The following KCNK10 variants were observed in gnomAD, a reference collection of about 807,000 sequenced individuals.
KCNK10 encodes potassium two pore domain channel subfamily K member 10.
A neutral mutation model predicts 47.7 loss-of-function variants in KCNK10; 25 were observed. That is an observed-to-expected ratio of 0.52 (90% confidence interval 0.38 to 0.73). The LOEUF (loss-of-function observed/expected upper bound fraction) is 0.73. Among genes scored for constraint, KCNK10 ranks in the 30% least tolerant of loss-of-function variants. KCNK10 has a pLI of 0.00. For synonymous variants in KCNK10, 303 were observed against 285.6 expected, an observed-to-expected ratio of 1.06 and a Z score of -0.61; for missense variants, 563 against 714.5, an observed-to-expected ratio of 0.79 and a Z score of 2.42.
chr14:88,318,447 G>A (rs1888473285), intron 1 of KCNK10, among the ~76,000 whole-genome samples: 1 of 152,204 alleles, frequency 6.6e-6, no homozygotes, highest in Admixed American at 6.5e-5. Flanking sequence ...CATGACAAGT[G>A]CCAGTAAGAC....
rs541160673 is a variant in KCNK10, at chr14:88,281,444, G to A, written c.53-17893C>T. Among the ~76,000 whole-genome samples the A allele has an allele frequency of 3.9e-5, 6 of 152,302 alleles. No homozygotes were observed. In the South Asian group the frequency reaches 8.3e-4, roughly 21 times the overall value. ...AAAGCAGATTTCTCCCACGACATAG[G>A]TGGTCCACATCCTATCGGTTGGAGG... On this transcript the variant is annotated intron_variant, in intron 1 of 6. Coordinates refer to ENST00000319231, the MANE Select transcript of KCNK10 (RefSeq NM_138317.3).
intron 1 of KCNK10, among the ~76,000 whole-genome samples, chr14:88,309,053 G>A (rs1260511446): frequency 6.6e-6 from 1 of 152,124 alleles, no homozygotes; most frequent in Non-Finnish European, 1.5e-5. Flanking sequence ...GTTTCAGGAG[G>A]GCAGAGACTT....
intron 1 of KCNK10, among the ~76,000 whole-genome samples, chr14:88,276,985 C>G (rs2139768278): frequency 6.6e-6 from 1 of 152,336 alleles, no homozygotes; most frequent in African/African-American, 2.4e-5. Context: ...TTAAACAGCA[C>G]AGTCTGTGTG....
At chr14:88,255,787 G>A (rs1181943296) in intron 2 of KCNK10, among the ~76,000 whole-genome samples, 1 of 152,078 alleles carries the variant, frequency 6.6e-6, no homozygotes, top group Non-Finnish European at 1.5e-5. Context: ...TTGAGCCTAG[G>A]AGTTCCAGGC....
intron 4 of KCNK10, among the ~76,000 whole-genome samples, chr14:88,196,862 T>TC (rs1457423094): frequency 1.3e-5 from 2 of 152,230 alleles, no homozygotes; most frequent in Non-Finnish European, 2.9e-5. Context: ...CTTCCAAGAT[T>TC]TATTTTAGAA....
At chr14:88,309,915 G>T (rs4424855) in intron 1 of KCNK10, among the ~76,000 whole-genome samples, 28,003 of 151,642 alleles carry the variant, frequency 0.18, 2,727 homozygotes, top group East Asian at 0.25. Context: ...TGGCACTCCT[G>T]CCCTCCAGAG....
intron 2 of KCNK10, among the ~76,000 whole-genome samples, chr14:88,254,563 C>T (rs1312921695): frequency 1.3e-5 from 2 of 152,166 alleles, no homozygotes; most frequent in African/African-American, 2.4e-5. Context: ...ATTCATTCTA[C>T]GCTTCCCCGT....
chr14:88,231,851 G>T (rs1370402808), intron 3 of KCNK10, among the ~76,000 whole-genome samples: 1 of 152,188 alleles, frequency 6.6e-6, no homozygotes, highest in Non-Finnish European at 1.5e-5. Context: ...TCTTCAAAAA[G>T]AAGTGCTTTG....
intron 1 of KCNK10, among the ~76,000 whole-genome samples, chr14:88,319,220 A>G (rs1399102570): frequency 6.6e-6 from 1 of 152,186 alleles, no homozygotes; most frequent in Non-Finnish European, 1.5e-5. Context: ...GCTTTGCTTA[A>G]TCCACCCAAA....
chr14:88,198,323 C>CTGCTGATG (rs1884988584), intron 4 of KCNK10, among the ~76,000 whole-genome samples: 1 of 152,184 alleles, frequency 6.6e-6, no homozygotes, highest in African/African-American at 2.4e-5. Flanking sequence ...AATGGGACAC[C>CTGCTGATG]TGCTGATGAG....
intron 1 of KCNK10, among the ~76,000 whole-genome samples, chr14:88,315,997 T>C (rs34594869): frequency 0.2 from 29,774 of 151,992 alleles, 3,108 homozygotes; most frequent in East Asian, 0.28. Context: ...TAATCTTGTT[T>C]CCCCACCATT....
chr14:88,299,922 G>A (rs373107178), intron 1 of KCNK10, among the ~76,000 whole-genome samples: 5 of 152,250 alleles, frequency 3.3e-5, no homozygotes, highest in East Asian at 1.9e-4. Context: ...AGGAAAGGCC[G>A]ACGTTTAAGA....
intron 3 of KCNK10, among the ~76,000 whole-genome samples, chr14:88,235,947 G>A (rs1161126020): frequency 5.9e-5 from 9 of 152,132 alleles, no homozygotes; most frequent in East Asian, 1.9e-4. Context: ...GGAAAAAAAG[G>A]CTGGCATCAG....
At chr14:88,305,804 G>A (rs999442462) in intron 1 of KCNK10, among the ~76,000 whole-genome samples, 1 of 152,206 alleles carries the variant, frequency 6.6e-6, no homozygotes, top group Admixed American at 6.5e-5. Flanking sequence ...AATAAAAGGT[G>A]AAGTTTCTAA....
intron 3 of KCNK10, among the ~76,000 whole-genome samples, chr14:88,237,619 C>T (rs1453518803): frequency 6.6e-6 from 1 of 152,220 alleles, no homozygotes; most frequent in Non-Finnish European, 1.5e-5. Flanking sequence ...ATGAAAACAA[C>T]ATTTATCTCC....
intron 1 of KCNK10, chr14:88,270,693 C>T: frequency 1.3e-6 from 1 of 780,892 alleles, no homozygotes; most frequent in South Asian, 1.3e-5. Flanking sequence ...CATCTCACAT[C>T]TGTGCTTTCC....
In KCNK10 at chr14:88,263,446, C is replaced by T. The variant is rs148277278; in HGVS notation, c.158G>A (p.Arg53Gln). The T allele has an allele frequency of 4.3e-6, 7 of 1,614,090 alleles. No individual in the cohort carries two copies. The highest frequency in any genetic ancestry group is 1.6e-4 in the Middle Eastern group (1 of 6,062). ...TPTPRLSISS[R>Q]ATVVARMEGT... ...TTCCATCCTGGCTACCACTGTGGCT[C>T]GGGAGGAAATGGACAGGCGCGGAGT... Residue 53 changes from arginine (R) to glutamine (Q), a missense_variant, in exon 2 of 7, where the codon CGA becomes CAA. Physicochemically the swap from Arg to Gln is conservative, Grantham distance 43. Transcript: ENST00000319231.
At chr14:88,195,912 T>A (rs1323489135) in intron 4 of KCNK10, among the ~76,000 whole-genome samples, 1 of 152,158 alleles carries the variant, frequency 6.6e-6, no homozygotes. Flanking sequence ...TAGGCAAAAT[T>A]GCATGGCTTA....
At chr14:88,187,627 C>A (rs56093808) in intron 6 of KCNK10, among the ~76,000 whole-genome samples, 10,073 of 105,446 alleles carry the variant, frequency 0.096, 729 homozygotes, top group African/African-American at 0.23. Context: ...CAGGCTGCAC[C>A]CCCCCACACA....
Sources: allele counts gnomAD v4.1 joint callset (sites outside exome capture counted in the v4.1 genomes callset), GRCh38; gene constraint gnomAD v4.1.1; transcripts MANE v1.5; gene names NCBI Gene and HGNC (gene_info 2026-07-23, HGNC 2026-07-21).